The following FREM1 variants were observed in gnomAD, a reference collection of about 807,000 sequenced individuals.
FREM1 encodes FRAS1-related extracellular matrix protein 1.
In FREM1, 220 loss-of-function variants were observed where a neutral mutation model predicts 210.1. The ratio of observed to expected loss-of-function variants is 1.05; its 90% confidence interval spans 0.94 to 1.17. The LOEUF is 1.17. FREM1 is among the 50% of genes most tolerant of loss of function. FREM1 has a pLI of 0.00. For missense variants in FREM1, 3,454 were observed against 2,675.5 expected, an observed-to-expected ratio of 1.29 and a Z score of -6.42; for synonymous variants, 1,189 against 980.2, an observed-to-expected ratio of 1.21 and a Z score of -3.98.
At position 14,859,260 on chromosome 9, in the gene FREM1, T is replaced by A; in HGVS notation, c.554A>T (p.His185Leu). 1.2e-6 allele frequency: 2 copies of A among 1,613,540 alleles called. No homozygotes were observed. The highest frequency in any genetic ancestry group is 8.5e-7 in the Non-Finnish European group (1 of 1,179,614). The change falls in exon 4 of 37, where the codon CAT (histidine) becomes CTT (leucine). Residue 185 changes from histidine to leucine, a missense_variant. His to Leu is a moderately conservative substitution (Grantham distance 99). Coordinates refer to ENST00000380880, the MANE Select transcript of FREM1 (RefSeq NM_001379081.2). ...LDTARTRLPAHGQMVLGEPRP... is the reference protein window; with the variant it reads ...LDTARTRLPALGQMVLGEPRP... ...AGGCTCCCCGAGAACCATCTGGCCA[T>A]GGGCTGGCAGCCGAGTTCTCGCAGT...
chr9:14,882,457 T>C (rs1330532557), intron 1 of FREM1, among the ~76,000 whole-genome samples: 2 of 147,982 alleles, frequency 1.4e-5, no homozygotes, highest in Non-Finnish European at 2.9e-5. Flanking sequence ...TTTAATTTTC[T>C]TCTTATCTTT....
In FREM1 at chr9:14,849,329, C is replaced by A. The variant is rs540361972; in HGVS notation, c.1153-556G>T. ...TGTCGTACTGCTACTATCAAGAAAC[C>A]CTGATCTAGAGACATGTATTTCACT... is the stretch of plus-strand genomic sequence containing the variant. On this transcript the variant is annotated intron_variant, in intron 6 of 36. Transcript: ENST00000380880. Among the ~76,000 whole-genome samples the A allele has an allele frequency of 2.6e-5, 4 of 152,276 alleles. No homozygotes were observed. In the South Asian group the frequency reaches 6.2e-4, roughly 24 times the overall value.
chr9:14,812,742 A>C, intron 16 of FREM1, 70 bp downstream of exon 16: 1 of 1,457,980 alleles, frequency 6.9e-7, no homozygotes, highest in Middle Eastern at 2.5e-4. Flanking sequence ...TGATTATGGG[A>C]GCCCACACTG....
rs536028744 is a variant in FREM1 at position 14,759,622 on chromosome 9, G to T, written c.5334+150C>A. ...AGATGATGGATGGAGGGCCAAGGAGGTTTTGTGCTTAGAATCCTCAGAATA... is the reference window on the plus strand; with the variant it reads ...AGATGATGGATGGAGGGCCAAGGAGTTTTTGTGCTTAGAATCCTCAGAATA... On this transcript the variant is annotated intron_variant, in intron 28 of 36. Coordinates refer to ENST00000380880, the MANE Select transcript of FREM1 (RefSeq NM_001379081.2). 1.2e-5 allele frequency: 7 copies of T among 588,062 alleles called. No homozygotes were observed. In the East Asian group the frequency reaches 1.8e-4, roughly 15 times the overall value. The allele number at this position is 588,062 out of a possible 1,614,324, so 36.4% of individuals were successfully genotyped here.
At chr9:14,861,033 A>ATG in intron 3 of FREM1, among the ~76,000 whole-genome samples, 1 of 76,396 alleles carries the variant, frequency 1.3e-5, no homozygotes, top group African/African-American at 6.5e-5. Context: ...ATATATACAT[A>ATG]TATACATATA....
chr9:14,886,162 G>A (rs528187538), intron 1 of FREM1, among the ~76,000 whole-genome samples: 4 of 152,130 alleles, frequency 2.6e-5, no homozygotes, highest in Non-Finnish European at 4.4e-5. Context: ...CAAGGTGGGC[G>A]GATCACGAGG....
chr9:14,893,280 G>T (rs911882713), intron 1 of FREM1, among the ~76,000 whole-genome samples: 5 of 152,224 alleles, frequency 3.3e-5, no homozygotes, highest in Admixed American at 2.6e-4. Flanking sequence ...TTAAACTGTA[G>T]TGAATCTGTT....
At chr9:14,873,375 A>T (rs1176572075) in intron 1 of FREM1, among the ~76,000 whole-genome samples, 1 of 152,116 alleles carries the variant, frequency 6.6e-6, no homozygotes, top group Non-Finnish European at 1.5e-5. Flanking sequence ...CAGAGATTCA[A>T]CTTCTTCCTG....
chr9:14,779,971 G>A (rs971831611), intron 24 of FREM1, among the ~76,000 whole-genome samples: 4 of 152,136 alleles, frequency 2.6e-5, no homozygotes, highest in Non-Finnish European at 4.4e-5. Flanking sequence ...GAATGGTTAC[G>A]GTTGAGTTCC....
At chr9:14,801,908 C>T (rs1452638614) in intron 19 of FREM1, 34 bp from the exon 20 acceptor site, 3 of 1,461,856 alleles carry the variant, frequency 2.1e-6, no homozygotes, top group Non-Finnish European at 1.9e-6. Context: ...GTCAACAATG[C>T]ATAAAAGACA....
intron 35 of FREM1, among the ~76,000 whole-genome samples, chr9:14,745,896 G>T (rs577541189): frequency 2.0e-5 from 3 of 152,110 alleles, no homozygotes; most frequent in Non-Finnish European, 4.4e-5. Context: ...CTGTATAATC[G>T]CATTGCTAGA....
chr9:14,815,143 A>G (rs1340448861), intron 15 of FREM1, among the ~76,000 whole-genome samples: 1 of 152,238 alleles, frequency 6.6e-6, no homozygotes, highest in Non-Finnish European at 1.5e-5. Context: ...AGAGGTGCAC[A>G]GGAACTACTG....
chr9:14,823,438 C>T lies in FREM1; in HGVS notation c.2170-111G>A. ...TTGATATTGAACACTGTAAATGCCA[C>T]CATCATCACTTTGAAGATTACCAAA... On this transcript the variant is annotated intron_variant, in intron 12 of 36. Transcript: ENST00000380880. 3 of 864,598 alleles carry T rather than the reference C, an allele frequency of 3.5e-6. No homozygotes were observed. The South Asian group carries it at 7.2e-5, about 21-fold the overall frequency. The allele number at this position is 864,598 out of a possible 1,614,324, so 53.6% of individuals were successfully genotyped here.
rs1564102960 is a variant in FREM1 at position 14,860,875 on chromosome 9, G to GTATATATACACGTATATATATATACGTA, written c.330-1392_330-1391insTACGTATATATATATACGTGTATATATA. Reference sequence around the variant, plus strand: ...TACGTATATATACACATATATATACGTATATATACACATATATACATATAT... The same window carrying GTATATATACACGTATATATATATACGTA: ...TACGTATATATACACATATATATACGTATATATACACGTATATATATATACGTATATATATACACATATATACATATAT... On this transcript the variant is annotated intron_variant, in intron 3 of 36. Transcript: ENST00000380880. Among the ~76,000 whole-genome samples the GTATATATACACGTATATATATATACGTA allele has an allele frequency of 6.5e-5, 2 of 30,742 alleles. 1 individual carries two copies. The highest frequency in any genetic ancestry group is 3.8e-4 in the African/African-American group (2 of 5,282). The allele number at this position is 30,742 out of a possible 152,430, so 20.2% of individuals were successfully genotyped here.
chr9:14,851,432 T>G lies in FREM1; in HGVS notation c.1004A>C (p.Asn335Thr). ...DETPKPLLVF[N>T]ITKAPLQGYV... ...GCCCTGGAGCGGGGCTTTAGTAATG[T>G]TGAACACCAGCAAGGGTTTAGGGGT... The change falls in exon 6 of 37, where the codon AAC becomes ACC. Residue 335 changes from asparagine (N) to threonine (T), a missense_variant. Physicochemically the swap from Asn to Thr is moderately conservative, Grantham distance 65. Coordinates refer to ENST00000380880, the MANE Select transcript of FREM1 (RefSeq NM_001379081.2). 2 of 1,613,960 alleles carry G rather than the reference T, an allele frequency of 1.2e-6. No homozygotes were observed. Among genetic ancestry groups the G allele is most frequent in the Non-Finnish European group, 1.7e-6 (2 of 1,179,880 alleles).
intron 15 of FREM1, 146 bp from the exon 16 acceptor site, chr9:14,813,210 T>G (rs963767270): frequency 2.4e-6 from 2 of 823,150 alleles, no homozygotes; most frequent in African/African-American, 1.7e-5. Context: ...GGCCAAGTAA[T>G]CTGTGTCTTT....
In FREM1 at chr9:14,784,486, G is replaced by T. The variant is rs201779885; in HGVS notation, c.4326C>A (p.Ile1442=). Residue 1442 remains isoleucine, a synonymous_variant, in exon 24 of 37, where the codon ATC becomes ATA. Coordinates refer to ENST00000380880, the MANE Select transcript of FREM1 (RefSeq NM_001379081.2). ...GAACTCCAGGATAGTGAACATATTCGATCTGGCCATATCGCGGAGGGGAGG... is the reference window on the plus strand; with the variant it reads ...GAACTCCAGGATAGTGAACATATTCTATCTGGCCATATCGCGGAGGGGAGG... ...VITSPPRYGQ[I]EYVHYPGVPI... 8 of 1,613,868 alleles carry T rather than the reference G, an allele frequency of 5.0e-6. No individual in the cohort carries two copies. The highest frequency in any genetic ancestry group is 5.9e-6 in the Non-Finnish European group (7 of 1,179,830).
intron 21 of FREM1, 74 bp from the exon 22 acceptor site, chr9:14,792,958 T>G: frequency 1.1e-6 from 1 of 891,602 alleles, no homozygotes; most frequent in East Asian, 2.7e-5. Context: ...TTATATTGAC[T>G]ATCACAGTTC....
intron 1 of FREM1, among the ~76,000 whole-genome samples, chr9:14,882,296 A>G (rs1029396267): frequency 6.6e-6 from 1 of 152,096 alleles, no homozygotes; most frequent in Non-Finnish European, 1.5e-5. Flanking sequence ...CTGAGAGATA[A>G]GGTCAAAGTC....
Sources: gnomAD v4.1 joint callset for allele counts (sites outside exome capture counted in the v4.1 genomes callset) on GRCh38, gnomAD v4.1.1 for gene constraint, MANE v1.5 for transcripts, NCBI Gene and HGNC (gene_info 2026-07-23, HGNC 2026-07-21) for gene names.